SGIP1: variants seen among roughly 807,000 people sequenced by gnomAD.
The protein encoded by SGIP1 is SH3-containing GRB2-like protein 3-interacting protein 1.
SGIP1 carries 38 observed loss-of-function variants against 107.5 expected under a neutral mutation model. That is an observed-to-expected ratio of 0.35 (90% CI 0.27 to 0.46). The LOEUF is 0.46. SGIP1 is among the 20% of genes least tolerant of loss of function. SGIP1 has a pLI of 1.00. For synonymous variants in SGIP1, 365 were observed against 366.1 expected (o/e 1.00, Z 0.03); for missense variants, 929 against 1,019.5 (o/e 0.91, Z 1.21).
chr1:66,579,392 T>C (rs995204500), intron 1 of SGIP1, among the ~76,000 whole-genome samples: 1 of 152,176 alleles, frequency 6.6e-6, no homozygotes, highest in African/African-American at 2.4e-5. Context: ...TTATAAGGTT[T>C]CATAAGATGA....
chr1:66,729,488 T>G, intron 20 of SGIP1, 69 bp downstream of exon 20: 1 of 1,574,720 alleles, frequency 6.4e-7, no homozygotes, highest in Non-Finnish European at 8.7e-7. Context: ...AGATGAGGGA[T>G]ATATCTTAGC....
At chr1:66,632,394 G>C (rs1023122743) in intron 2 of SGIP1, among the ~76,000 whole-genome samples, 1 of 152,162 alleles carries the variant, frequency 6.6e-6, no homozygotes, top group Admixed American at 6.6e-5. Flanking sequence ...GAGAAATATG[G>C]AGGAAAGTAC....
intron 1 of SGIP1, among the ~76,000 whole-genome samples, chr1:66,543,865 C>T (rs904550337): frequency 6.6e-6 from 1 of 152,184 alleles, no homozygotes; most frequent in African/African-American, 2.4e-5. Context: ...AAATATACAT[C>T]TGAGAGAGTG....
chr1:66,591,772 G>T (rs2063673812), intron 1 of SGIP1, among the ~76,000 whole-genome samples: 2 of 152,212 alleles, frequency 1.3e-5, no homozygotes, highest in South Asian at 4.1e-4. Context: ...CCATTTAGGT[G>T]AGGGTGATGT....
At chr1:66,573,451 A>T (rs2060652106) in intron 1 of SGIP1, among the ~76,000 whole-genome samples, 1 of 152,146 alleles carries the variant, frequency 6.6e-6, no homozygotes, top group Admixed American at 6.6e-5. Flanking sequence ...AGAACGACAC[A>T]TGCACTCATA....
Position 66,689,153 on chromosome 1 carries a change from TCATCCCC to T in SGIP1, c.1322_1328del (p.Ser441LeufsTer55), listed in dbSNP as rs1358128484. On this transcript the variant is annotated frameshift_variant, in exon 16 of 25. Coordinates refer to ENST00000371037, the MANE Select transcript of SGIP1 (RefSeq NM_032291.4). LOFTEE classifies it high-confidence loss of function. The stretch of plus-strand genomic sequence containing the variant: ...AATGCTAGTTTGTTTTTCAGGTGCA[TCATCCCC>T]TGCTCGACCAGCCACTCCTTTGGTT... 1 of 1,612,280 alleles carries T rather than the reference TCATCCCC, an allele frequency of 6.2e-7. No homozygotes were observed.
chr1:66,687,314 T>A (rs12021790), intron 15 of SGIP1, among the ~76,000 whole-genome samples: 41,784 of 146,054 alleles, frequency 0.29, 7,115 homozygotes, highest in East Asian at 0.78. Context: ...AAAAAAAAAA[T>A]GTCCTGAGAC....
At chr1:66,676,325 CACTA>C (rs1436650284) in intron 12 of SGIP1, among the ~76,000 whole-genome samples, 15 of 152,266 alleles carry the variant, frequency 9.9e-5, no homozygotes, top group African/African-American at 3.4e-4. Flanking sequence ...TACTGAGAAG[CACTA>C]ACTATTTGCA....
chr1:66,691,898 T>C (rs1420313801), intron 17 of SGIP1, among the ~76,000 whole-genome samples: 1 of 152,160 alleles, frequency 6.6e-6, no homozygotes, highest in Non-Finnish European at 1.5e-5. Context: ...CAGTGGCTCA[T>C]GCCTGTAATC....
chr1:66,724,245 C>T (rs965098442), intron 19 of SGIP1, among the ~76,000 whole-genome samples: 3 of 152,108 alleles, frequency 2.0e-5, no homozygotes, highest in Non-Finnish European at 4.4e-5. Context: ...TGAAGTTTTG[C>T]CATTTTTTGA....
At chr1:66,644,545 G>T (rs1447637353) in intron 7 of SGIP1, among the ~76,000 whole-genome samples, 2 of 142,088 alleles carry the variant, frequency 1.4e-5, no homozygotes, top group South Asian at 2.6e-4. Context: ...TGTGTTCTTG[G>T]CATCTTCTTT....
At chr1:66,642,282 T>C (rs12736671) in intron 5 of SGIP1, among the ~76,000 whole-genome samples, 253 of 152,272 alleles carry the variant, frequency 1.7e-3, no homozygotes, top group Non-Finnish European at 2.7e-3. Flanking sequence ...CCCATCTTGG[T>C]GTCTCTGAAC....
At chr1:66,697,913 T>G (rs1036293494) in intron 18 of SGIP1, among the ~76,000 whole-genome samples, 2 of 152,204 alleles carry the variant, frequency 1.3e-5, no homozygotes, top group Non-Finnish European at 2.9e-5. Context: ...TACCCACATT[T>G]GTTATTATTA....
At chr1:66,667,671 T>C in intron 9 of SGIP1, 130 bp downstream of exon 9, 1 of 810,440 alleles carries the variant, frequency 1.2e-6, no homozygotes, top group Non-Finnish European at 2.1e-6. Context: ...ATAGGTTTAC[T>C]GATTGAAAGC....
At position 66,688,387 on chromosome 1, in the gene SGIP1, C is replaced by T. The variant is rs910800208; in HGVS notation, c.1316-761C>T. Among the ~76,000 whole-genome samples, 6 of 152,212 alleles carry T rather than the reference C, an allele frequency of 3.9e-5. No individual in the cohort carries two copies. The South Asian group carries it at 8.3e-4, about 21-fold the overall frequency. ...TGCTGACTGATGTGCATGCCAGCCT[C>T]TGTGTGTCTTCTGTGTTTCATACGT... is the stretch of plus-strand genomic sequence containing the variant. On this transcript the variant is annotated intron_variant, in intron 15 of 24. Transcript: ENST00000371037.
At chr1:66,578,422 T>C (rs934619700) in intron 1 of SGIP1, among the ~76,000 whole-genome samples, 8 of 152,228 alleles carry the variant, frequency 5.3e-5, no homozygotes, top group Admixed American at 2.6e-4. Flanking sequence ...GCTTGAATTA[T>C]GTTATGAAAT....
chr1:66,596,542 A>G (rs1439277660), intron 1 of SGIP1, among the ~76,000 whole-genome samples: 2 of 152,026 alleles, frequency 1.3e-5, no homozygotes, highest in African/African-American at 4.8e-5. Flanking sequence ...GTGGAAACAG[A>G]TCAGAGGAAA....
chr1:66,669,750 A>G (rs2083360129), intron 9 of SGIP1, among the ~76,000 whole-genome samples: 1 of 152,224 alleles, frequency 6.6e-6, no homozygotes, highest in African/African-American at 2.4e-5. Flanking sequence ...ACAAAAAGCC[A>G]GAAAATGTAG....
chr1:66,730,093 C>T (rs115745439), intron 20 of SGIP1, among the ~76,000 whole-genome samples: 9,053 of 152,206 alleles, frequency 0.059, 344 homozygotes, highest in Non-Finnish European at 0.086. Flanking sequence ...TGAGCCACCA[C>T]GCCTGGCCTT....
Sources: allele counts gnomAD v4.1 joint callset (sites outside exome capture counted in the v4.1 genomes callset), GRCh38; gene constraint gnomAD v4.1.1; transcripts MANE v1.5; gene names NCBI Gene and HGNC (gene_info 2026-07-23, HGNC 2026-07-21).